Variants in NR2F1-AS1 observed in about 807,000 individuals in gnomAD.
NR2F1-AS1 encodes NR2F1 antisense RNA 1.
At chr5:93,457,070 A>G (rs984537200) in intron 4 of NR2F1-AS1, among the ~76,000 whole-genome samples, 1 of 152,166 alleles carries the variant, frequency 6.6e-6, no homozygotes, top group Non-Finnish European at 1.5e-5. Context: ...TCTATTGCCC[A>G]GGGACGAGCA....
At chr5:93,413,671 G>A (rs1411414615) in intron 4 of NR2F1-AS1, among the ~76,000 whole-genome samples, 1 of 151,964 alleles carries the variant, frequency 6.6e-6, no homozygotes, top group African/African-American at 2.4e-5. Flanking sequence ...AAGTACCTGT[G>A]GCCACAAGAA....
upstream of NR2F1-AS1, among the ~76,000 whole-genome samples, chr5:93,582,647 T>G (rs1753130896): frequency 6.6e-6 from 1 of 152,240 alleles, no homozygotes; most frequent in African/African-American, 2.4e-5. Context: ...CTCTTCACGC[T>G]CATAAAATCT....
rs1049157954 is a variant in NR2F1-AS1, at chr5:93,469,147, G to T, written n.639-73605C>A. On this transcript the variant is annotated intron_variant and non_coding_transcript_variant, in intron 4 of 5. Transcript: ENST00000660523. ...TTGAGTTGCTTAATGATGGGGATAT[G>T]TATTGAGAAATGTATCATTAGGTGG... is the stretch of plus-strand genomic sequence containing the variant. Among the ~76,000 whole-genome samples the T allele has an allele frequency of 4.3e-4, 66 of 152,252 alleles. No individual in the cohort carries two copies. In the South Asian group the frequency reaches 0.013, roughly 31 times the overall value.
chr5:93,414,524 G>A lies in NR2F1-AS1; in HGVS notation n.639-18982C>T, dbSNP rs1748927241. Among the ~76,000 whole-genome samples, 4 of 152,166 alleles carry A rather than the reference G, an allele frequency of 2.6e-5. No homozygotes were observed. The South Asian group carries it at 8.3e-4, about 32-fold the overall frequency. On this transcript the variant is annotated intron_variant and non_coding_transcript_variant, in intron 4 of 5. Transcript: ENST00000660523. ...AGTCTGTGCCTTGGTGAGAGTGCGTGGCCAGCAGTCTCCGATCTGTGTAGG... is the reference window on the plus strand; with the variant it reads ...AGTCTGTGCCTTGGTGAGAGTGCGTAGCCAGCAGTCTCCGATCTGTGTAGG...
At chr5:93,552,541 T>G (rs145211504) in intron 4 of NR2F1-AS1, among the ~76,000 whole-genome samples, 1 of 152,258 alleles carries the variant, frequency 6.6e-6, no homozygotes, top group Admixed American at 6.5e-5. Context: ...GTCATGTACT[T>G]GTAGGATAAG....
chr5:93,500,945 G>C (rs1361835279), intron 4 of NR2F1-AS1, among the ~76,000 whole-genome samples: 2 of 152,142 alleles, frequency 1.3e-5, no homozygotes, highest in African/African-American at 4.8e-5. Flanking sequence ...AATACATTTT[G>C]TAAGGCCATA....
chr5:93,557,970 T>C (rs964126935), intron 2 of NR2F1-AS1, among the ~76,000 whole-genome samples: 2 of 152,220 alleles, frequency 1.3e-5, no homozygotes, highest in South Asian at 2.1e-4. Context: ...CACTTTTTTT[T>C]CCTCATCCGT....
chr5:93,455,522 C>T (rs1005050699), intron 4 of NR2F1-AS1, among the ~76,000 whole-genome samples: 1 of 151,718 alleles, frequency 6.6e-6, no homozygotes, highest in Non-Finnish European at 1.5e-5. Context: ...ACTGCCAGAT[C>T]GGATTTAAAA....
At chr5:93,450,482 G>A (rs1749802860) in intron 4 of NR2F1-AS1, among the ~76,000 whole-genome samples, 1 of 152,094 alleles carries the variant, frequency 6.6e-6, no homozygotes, top group Admixed American at 6.6e-5. Context: ...TCTACTCTAA[G>A]CAAAATATTT....
intron 4 of NR2F1-AS1, among the ~76,000 whole-genome samples, chr5:93,420,305 A>G (rs2149842031): frequency 6.6e-6 from 1 of 152,334 alleles, no homozygotes; most frequent in African/African-American, 2.4e-5. Flanking sequence ...GCCCTTCTCC[A>G]GATAGAACGA....
At chr5:93,497,137 G>A (rs1256281882) in intron 4 of NR2F1-AS1, among the ~76,000 whole-genome samples, 1 of 151,734 alleles carries the variant, frequency 6.6e-6, no homozygotes, top group Non-Finnish European at 1.5e-5. Flanking sequence ...GTGATTAGTA[G>A]TAACTTTATC....
chr5:93,581,543 G>A (rs1440519770), upstream of NR2F1-AS1, among the ~76,000 whole-genome samples: 2 of 151,898 alleles, frequency 1.3e-5, no homozygotes, highest in Non-Finnish European at 2.9e-5. Context: ...CCCGGGAGCG[G>A]CTCCCGTCCG....
At chr5:93,575,570 G>A (rs1443502760) in intron 1 of NR2F1-AS1, among the ~76,000 whole-genome samples, 1 of 152,174 alleles carries the variant, frequency 6.6e-6, no homozygotes, top group Non-Finnish European at 1.5e-5. Flanking sequence ...GAAATTGAAA[G>A]TAAAGGTCTT....
chr5:93,482,844 AACTGGGCAGAGCCC>A (rs1358287421), intron 4 of NR2F1-AS1, among the ~76,000 whole-genome samples: 2 of 152,212 alleles, frequency 1.3e-5, no homozygotes, highest in African/African-American at 4.8e-5. Flanking sequence ...GGGAAGTTCC[AACTGGGCAGAGCCC>A]ACTGCAGCAT....
At chr5:93,502,523 G>T (rs1475069046) in intron 4 of NR2F1-AS1, among the ~76,000 whole-genome samples, 4 of 152,158 alleles carry the variant, frequency 2.6e-5, no homozygotes, top group African/African-American at 9.7e-5. Flanking sequence ...GTCAGGACAG[G>T]ATATGTGGTT....
intron 1 of NR2F1-AS1, among the ~76,000 whole-genome samples, chr5:93,567,291 A>G (rs1752641596): frequency 6.6e-6 from 1 of 152,158 alleles, no homozygotes; most frequent in Admixed American, 6.5e-5. Context: ...AACAAACATT[A>G]CAAATGCTTC....
chr5:93,462,954 T>A (rs1476697042), intron 4 of NR2F1-AS1, among the ~76,000 whole-genome samples: 1 of 152,144 alleles, frequency 6.6e-6, no homozygotes, highest in Non-Finnish European at 1.5e-5. Context: ...TGCAACCTGA[T>A]GACATGATAG....
intron 4 of NR2F1-AS1, among the ~76,000 whole-genome samples, chr5:93,460,531 G>A (rs1356497643): frequency 6.6e-6 from 1 of 152,032 alleles, no homozygotes; most frequent in Non-Finnish European, 1.5e-5. Flanking sequence ...TAAAATGAAG[G>A]ACAACATTTC....
chr5:93,482,624 C>T (rs993034855), intron 4 of NR2F1-AS1, among the ~76,000 whole-genome samples: 4 of 152,140 alleles, frequency 2.6e-5, no homozygotes, highest in African/African-American at 4.8e-5. Context: ...CTTGTAAAGG[C>T]GGCTAAAGCC....
Sources: allele counts gnomAD v4.1 joint callset (sites outside exome capture counted in the v4.1 genomes callset), GRCh38; gene constraint gnomAD v4.1.1; transcripts MANE v1.5; gene names NCBI Gene and HGNC (gene_info 2026-07-23, HGNC 2026-07-21).